PLA2G6: variants seen among roughly 807,000 people sequenced by gnomAD.
The protein encoded by PLA2G6 is 85/88 kDa calcium-independent phospholipase A2.
A neutral mutation model predicts 83.8 loss-of-function variants in PLA2G6; 62 were observed. The ratio of observed to expected loss-of-function variants is 0.74; its 90% confidence interval spans 0.60 to 0.91. PLA2G6 has a LOEUF of 0.91. PLA2G6 is among the 40% of genes least tolerant of loss of function. The pLI is 0.00. For synonymous variants in PLA2G6, 417 were observed against 449.8 expected (o/e 0.93, Z 0.92); for missense variants, 944 against 1,102.0 (o/e 0.86, Z 2.03).
chr22:38,169,173 G>C (rs780695423), intron 2 of PLA2G6, 45 bp downstream of exon 2: 10 of 1,440,914 alleles, frequency 6.9e-6, no homozygotes, highest in Middle Eastern at 1.7e-4. Context: ...CCGAGACGTG[G>C]GGGAGTGAAA....
At chr22:38,131,486 A>C (rs1168015182) in intron 7 of PLA2G6, 1 of 152,228 alleles carries the variant, frequency 6.6e-6, no homozygotes, top group Non-Finnish European at 1.5e-5. Context: ...AGATGATTAA[A>C]AAATCTTTGT....
intron 11 of PLA2G6, among the ~76,000 whole-genome samples, chr22:38,121,245 G>A (rs1165233120): frequency 2.0e-5 from 3 of 151,986 alleles, no homozygotes; most frequent in South Asian, 4.2e-4. Flanking sequence ...GTGTGGTGGC[G>A]GGCGCCTGTA....
chr22:38,113,269 A>C (rs1165523544), intron 15 of PLA2G6, among the ~76,000 whole-genome samples: 1 of 152,138 alleles, frequency 6.6e-6, no homozygotes, highest in South Asian at 2.1e-4. Context: ...TCCGCAGCTA[A>C]AAAGCGTTTG....
intron 10 of PLA2G6, among the ~76,000 whole-genome samples, chr22:38,124,627 T>C (rs1412240174): frequency 1.3e-5 from 2 of 152,148 alleles, no homozygotes; most frequent in Admixed American, 6.5e-5. Context: ...TGGTGGAGGC[T>C]GCTTCCATTC....
chr22:38,176,967 C>A (rs2090656668), intron 1 of PLA2G6, among the ~76,000 whole-genome samples: 1 of 151,498 alleles, frequency 6.6e-6, no homozygotes, highest in South Asian at 2.1e-4. Context: ...AATCTTTGAA[C>A]CCGAGAGGCA....
chr22:38,140,452 G>C (rs2088836127), intron 4 of PLA2G6: 3 of 411,778 alleles, frequency 7.3e-6, no homozygotes, highest in South Asian at 6.3e-5. Context: ...AGGTTGCAGT[G>C]AGCTGAGATT....
chr22:38,125,651 T>A (rs1243694605), intron 10 of PLA2G6: 1 of 470,312 alleles, frequency 2.1e-6, no homozygotes, highest in East Asian at 7.0e-5. Flanking sequence ...CGTGTGACCT[T>A]GAGCAAGTCA....
rs1422161934 is a variant in PLA2G6 at position 38,129,580 on chromosome 22, A to G, written c.1078-18T>C. ...TTGTCTTTCTGTTGGAGATGGAGAG[A>G]GGATAAGACGTGCAACTGCCGGGGA... On this transcript the variant is annotated intron_variant, in intron 7 of 16. Coordinates refer to ENST00000332509, the MANE Select transcript of PLA2G6 (RefSeq NM_003560.4). 4 of 1,588,902 alleles carry G rather than the reference A, an allele frequency of 2.5e-6. No homozygotes were observed. Among genetic ancestry groups the G allele is most frequent in the Non-Finnish European group, 3.5e-6 (4 of 1,157,340 alleles).
At position 38,140,089 on chromosome 22, in the gene PLA2G6, C is replaced by A. The variant is rs779996753; in HGVS notation, c.690G>T (p.Leu230=). The change falls in exon 5 of 17, where the codon CTG becomes CTT. Residue 230 remains leucine (L), a synonymous_variant. Coordinates refer to ENST00000332509, the MANE Select transcript of PLA2G6 (RefSeq NM_003560.4). ...GCACGCGGACCATCTCCTGCTTCCC[C>A]AGCTGGCAGGCCAGGTGCAGCGGGG... The part of the protein sequence containing the change: ...GLTPLHLACQ[L]GKQEMVRVLL... 4 of 1,614,016 alleles carry A rather than the reference C, an allele frequency of 2.5e-6. No individual in the cohort carries two copies. The African/African-American group carries it at 5.3e-5, about 22-fold the overall frequency.
intron 5 of PLA2G6, 176 bp from the exon 6 acceptor site, chr22:38,135,260 C>A (rs562655536): frequency 1.6e-6 from 1 of 606,718 alleles, no homozygotes; most frequent in South Asian, 1.9e-5. Context: ...CCTCAAGGCA[C>A]AACTAACCCC....
Position 38,115,699 on chromosome 22 carries a change from G to A in PLA2G6, c.1880-18C>T, listed in dbSNP as rs764292621. On this transcript the variant is annotated intron_variant, in intron 13 of 16. Transcript: ENST00000332509. Reference sequence around the variant, plus strand: ...CAGCTGGTCTAGGGGCGGGGAAGGAGGGCGGCCCAGTGGCACAAGGGACTG... The same window carrying A: ...CAGCTGGTCTAGGGGCGGGGAAGGAAGGCGGCCCAGTGGCACAAGGGACTG... 1.7e-5 allele frequency: 27 copies of A among 1,587,578 alleles called. No homozygotes were observed. In the South Asian group the frequency reaches 2.6e-4, roughly 15 times the overall value.
chr22:38,139,435 A>ATTTATTTATTTAT (rs1403035395), intron 5 of PLA2G6: 1 of 151,254 alleles, frequency 6.6e-6, no homozygotes, highest in African/African-American at 2.4e-5. Context: ...TTATTTATTT[A>ATTTATTTATTTAT]TTTATTTATT....
At chr22:38,161,779 G>A (rs2090021730) in intron 2 of PLA2G6, among the ~76,000 whole-genome samples, 3 of 152,208 alleles carry the variant, frequency 2.0e-5, no homozygotes, top group South Asian at 2.1e-4. Context: ...GAGAGTAAGC[G>A]TGGAGGGGAA....
At chr22:38,180,230 G>T (rs1162596421) in intron 1 of PLA2G6, 1 of 151,498 alleles carries the variant, frequency 6.6e-6, no homozygotes, top group Non-Finnish European at 1.5e-5. Flanking sequence ...ATGTCATTCT[G>T]CTGAGTAAGA....
Position 38,112,016 on chromosome 22 carries a change from C to T in PLA2G6, c.*145G>A, listed in dbSNP as rs1293664260. The T allele has an allele frequency of 1.1e-6, 1 of 916,608 alleles. No homozygotes were observed. The highest frequency in any genetic ancestry group is 1.7e-6 in the Non-Finnish European group (1 of 583,528). 56.8% of individuals were successfully genotyped at this position (916,608 alleles called of 1,614,324 possible). The stretch of plus-strand genomic sequence containing the variant: ...ACAGGCCTTCAGGACCAGCCTCGGG[C>T]AGGCAGCTTGGCATTCTCCCAGGCC... On this transcript the variant is annotated 3_prime_UTR_variant, in exon 17 of 17. Coordinates refer to ENST00000332509, the MANE Select transcript of PLA2G6 (RefSeq NM_003560.4).
At chr22:38,131,988 G>A in intron 7 of PLA2G6, 1 of 360,126 alleles carries the variant, frequency 2.8e-6, no homozygotes, top group South Asian at 2.0e-5. Flanking sequence ...GGTGGCACGT[G>A]CCTGCAGTCC....
At chr22:38,127,589 G>T in intron 9 of PLA2G6, 1 of 532,598 alleles carries the variant, frequency 1.9e-6, no homozygotes, top group Non-Finnish European at 3.4e-6. Context: ...GGCTACCCTG[G>T]CTGAAGGTGC....
At chr22:38,139,813 C>T (rs2088786415) in intron 5 of PLA2G6, 169 bp downstream of exon 5, 1 of 616,822 alleles carries the variant, frequency 1.6e-6, no homozygotes, top group Non-Finnish European at 2.9e-6. Flanking sequence ...TGATGGAGCA[C>T]CTTCTTTGGG....
chr22:38,129,538 C>A lies in PLA2G6; in HGVS notation c.1102G>T (p.Ala368Ser). The A allele has an allele frequency of 6.2e-7, 1 of 1,613,636 alleles. No homozygotes were observed. Among genetic ancestry groups the A allele is most frequent in the Non-Finnish European group, 8.5e-7 (1 of 1,179,514 alleles). ...MSKDNVEMIK[A>S]LIVFGAEVDT... ...ACTTCTGCTCCGAACACGATGAGGG[C>A]CTTGATCATCTCCACGTTGTCTTTC... is the stretch of plus-strand genomic sequence containing the variant. The change falls in exon 8 of 17, where the codon GCC becomes TCC. Residue 368 changes from alanine to serine, a missense_variant. Ala to Ser is a moderately conservative substitution (Grantham distance 99, BLOSUM62 1). Coordinates refer to ENST00000332509, the MANE Select transcript of PLA2G6 (RefSeq NM_003560.4).
Sources: gnomAD v4.1 joint callset for allele counts (sites outside exome capture counted in the v4.1 genomes callset) on GRCh38, gnomAD v4.1.1 for gene constraint, MANE v1.5 for transcripts, NCBI Gene and HGNC (gene_info 2026-07-23, HGNC 2026-07-21) for gene names.